The following PSMA1 variants were observed in gnomAD, a reference collection of about 807,000 sequenced individuals.
PSMA1 encodes proteasome subunit alpha type-1.
Under a neutral mutation model 38.4 loss-of-function variants are expected in PSMA1, and 3 were observed. That is an observed-to-expected ratio of 0.08 (90% confidence interval 0.04 to 0.20). The LOEUF (loss-of-function observed/expected upper bound fraction) is 0.20. Among genes scored for constraint, PSMA1 ranks in the 10% least tolerant of loss-of-function variants. The probability of loss-of-function intolerance (pLI) is 1.00; values close to 1 mark genes in which losing one functional copy is unlikely to be tolerated. For missense variants in PSMA1, 227 were observed against 325.3 expected (o/e 0.70, Z 2.32); for synonymous variants, 101 against 107.1 (o/e 0.94, Z 0.35).
intron 1 of PSMA1, among the ~76,000 whole-genome samples, chr11:14,631,574 C>T (rs1055708041): frequency 6.6e-6 from 1 of 152,088 alleles, no homozygotes; most frequent in Non-Finnish European, 1.5e-5. Flanking sequence ...CTGAGGAGAG[C>T]TTTACTTCCC....
At chr11:14,638,575 A>C (rs1565065534) in intron 1 of PSMA1, among the ~76,000 whole-genome samples, 1 of 10,800 alleles carries the variant, frequency 9.3e-5, no homozygotes, top group African/African-American at 3.6e-4. Flanking sequence ...ATATATATAT[A>C]TATATATATA....
chr11:14,513,321 G>T (rs889762158), intron 7 of PSMA1: 4 of 324,546 alleles, frequency 1.2e-5, no homozygotes, highest in Non-Finnish European at 1.6e-5. Flanking sequence ...AATGAATCAA[G>T]AATTTTCAAG....
chr11:14,632,957 G>A (rs1209123423), intron 1 of PSMA1, among the ~76,000 whole-genome samples: 9 of 143,412 alleles, frequency 6.3e-5, no homozygotes, highest in African/African-American at 2.1e-4. Context: ...CATTCTTCAC[G>A]TAGTTCTCGA....
In PSMA1 at chr11:14,617,697, A is replaced by ATGTG. The variant is rs71913143; in HGVS notation, c.-165-6550_-165-6547dup. 7.5e-3 allele frequency among the ~76,000 whole-genome samples: 1,001 copies of ATGTG among 133,898 alleles called. 7 individuals carry two copies. The highest frequency in any genetic ancestry group is 0.018 in the Admixed American group (241 of 13,648). 87.8% of individuals were successfully genotyped at this position (133,898 alleles called of 152,430 possible). ...TACATATATATACGTATATATATAT[A>ATGTG]TGTGTGTGTGTGTGTGTGTGTGTGT... On this transcript the variant is annotated intron_variant, in intron 1 of 10. Transcript: ENST00000418988.
rs1248264487 is a variant in PSMA1 at position 14,606,434 on chromosome 11, GA to G, written c.21+4531del. Among the ~76,000 whole-genome samples, 725 of 127,576 alleles carry G rather than the reference GA, an allele frequency of 5.7e-3. 9 individuals are homozygous for G. Among genetic ancestry groups the G allele is most frequent in the African/African-American group, 9.8e-3 (338 of 34,618 alleles). The allele number at this position is 127,576 out of a possible 152,430, so 83.7% of individuals were successfully genotyped here. ...CCTGTCTGAATGAAAAAGAAAAAAA[GA>G]AAAAAAAAAAAAGAATCTGTTTTGA... On this transcript the variant is annotated intron_variant, in intron 2 of 10. Transcript: ENST00000418988.
intron 1 of PSMA1, chr11:14,519,925 G>A (rs1851498799): frequency 4.0e-6 from 1 of 250,954 alleles, no homozygotes; most frequent in East Asian, 8.0e-5. Flanking sequence ...AGTCCGCACT[G>A]GTGGTACAGG....
intron 2 of PSMA1, among the ~76,000 whole-genome samples, chr11:14,544,257 C>A (rs1851802572): frequency 6.6e-6 from 1 of 152,146 alleles, no homozygotes; most frequent in East Asian, 1.9e-4. Flanking sequence ...TGGTCACAAA[C>A]CCCTGAGCTC....
At chr11:14,551,447 G>A (rs1415663650) in intron 2 of PSMA1, among the ~76,000 whole-genome samples, 1 of 152,158 alleles carries the variant, frequency 6.6e-6, no homozygotes, top group Admixed American at 6.5e-5. Flanking sequence ...GGGGTGGTGA[G>A]CTGTTGAGGC....
chr11:14,535,610 AT>A (rs1851697988), intron 2 of PSMA1, among the ~76,000 whole-genome samples: 3 of 151,282 alleles, frequency 2.0e-5, no homozygotes, highest in Admixed American at 1.3e-4. Context: ...CACCCGGCTA[AT>A]TTTTGTATTT....
intron 2 of PSMA1, among the ~76,000 whole-genome samples, chr11:14,571,945 A>G (rs1852147555): frequency 6.6e-6 from 1 of 152,378 alleles, no homozygotes; most frequent in Admixed American, 6.5e-5. Flanking sequence ...AAAGGGATTA[A>G]TTCAACAAGA....
intron 2 of PSMA1, among the ~76,000 whole-genome samples, chr11:14,531,026 A>G (rs188397551): frequency 5.9e-5 from 9 of 152,298 alleles, no homozygotes; most frequent in Admixed American, 5.9e-4. Flanking sequence ...GTACTCTTCT[A>G]GTAGATAGTT....
intron 2 of PSMA1, among the ~76,000 whole-genome samples, chr11:14,563,944 A>G (rs1852039280): frequency 6.6e-6 from 1 of 152,224 alleles, no homozygotes; most frequent in Non-Finnish European, 1.5e-5. Flanking sequence ...AAACAACCAT[A>G]ATTAAATAAA....
chr11:14,570,486 G>T lies in PSMA1; in HGVS notation c.21+40480C>A, dbSNP rs138239596. 8.1e-3 allele frequency among the ~76,000 whole-genome samples: 1,234 copies of T among 152,220 alleles called. 8 individuals are homozygous for T. The highest frequency in any genetic ancestry group is 0.02 in the Middle Eastern group (6 of 294). ...AACCTTGAAAAAAATTAGACAAATGGCCAACTAGAATAAACAGCATAGAGA... is the reference window on the plus strand; with the variant it reads ...AACCTTGAAAAAAATTAGACAAATGTCCAACTAGAATAAACAGCATAGAGA... On this transcript the variant is annotated intron_variant, in intron 2 of 10. Transcript: ENST00000418988.
At chr11:14,612,551 G>A (rs1216365295) in intron 1 of PSMA1, among the ~76,000 whole-genome samples, 1 of 152,018 alleles carries the variant, frequency 6.6e-6, no homozygotes, top group South Asian at 2.1e-4. Context: ...AAAATGTATG[G>A]AGCAGTTTCT....
At position 14,622,611 on chromosome 11, in the gene PSMA1, AT is replaced by A. The variant is rs770801735; in HGVS notation, c.-165-11461del. Among the ~76,000 whole-genome samples, 247 of 152,346 alleles carry A rather than the reference AT, an allele frequency of 1.6e-3. 1 individual carries two copies. The highest frequency in any genetic ancestry group is 3.0e-3 in the Admixed American group (46 of 15,304). ...GATATCCCCTTCAAAGTAAAAGAAAATTGCTGCATCTTGCGTGTGCCACCAC... is the reference window on the plus strand; with the variant it reads ...GATATCCCCTTCAAAGTAAAAGAAAATGCTGCATCTTGCGTGTGCCACCAC... On this transcript the variant is annotated intron_variant, in intron 1 of 10. Transcript: ENST00000418988.
intron 1 of PSMA1, among the ~76,000 whole-genome samples, chr11:14,630,111 A>C (rs1358466013): frequency 5.0e-4 from 76 of 152,148 alleles, no homozygotes; most frequent in Non-Finnish European, 1.0e-3. Flanking sequence ...CGTCTGCAAA[A>C]AGGGACAATT....
upstream of PSMA1, among the ~76,000 whole-genome samples, chr11:14,523,199 T>A (rs1022714202): frequency 3.3e-5 from 5 of 152,190 alleles, no homozygotes; most frequent in Admixed American, 3.3e-4. Flanking sequence ...TATTAAAGGT[T>A]TATATGATTT....
intron 2 of PSMA1, among the ~76,000 whole-genome samples, chr11:14,552,820 CTTT>C (rs34932699): frequency 6.9e-4 from 84 of 121,990 alleles, no homozygotes; most frequent in Middle Eastern, 4.5e-3. Flanking sequence ...GCTTATATAA[CTTT>C]TTTTTTTTTT....
chr11:14,621,233 T>A (rs1379755859), intron 1 of PSMA1, among the ~76,000 whole-genome samples: 1 of 152,190 alleles, frequency 6.6e-6, no homozygotes, highest in Non-Finnish European at 1.5e-5. Flanking sequence ...AAAAAGCATT[T>A]GTCAAAAATT....
Sources: allele counts gnomAD v4.1 joint callset (sites outside exome capture counted in the v4.1 genomes callset), GRCh38; gene constraint gnomAD v4.1.1; transcripts MANE v1.5; gene names NCBI Gene and HGNC (gene_info 2026-07-23, HGNC 2026-07-21).